Variants in SLC35F3 observed in about 807,000 individuals in gnomAD.
The protein encoded by SLC35F3 is putative thiamine transporter SLC35F3.
Under a neutral mutation model 49.9 loss-of-function variants are expected in SLC35F3, and 25 were observed. The ratio of observed to expected loss-of-function variants is 0.50; its 90% confidence interval spans 0.37 to 0.70. The LOEUF (loss-of-function observed/expected upper bound fraction) is 0.70, where lower values mean the gene tolerates loss of function less well. Ranked by LOEUF, SLC35F3 falls within the 30% of genes least tolerant of loss-of-function variation. The pLI, the probability that SLC35F3 is intolerant of heterozygous loss-of-function variation, is 0.00. For missense variants in SLC35F3, 525 were observed against 639.8 expected, an observed-to-expected ratio of 0.82 and a Z score of 1.94; for synonymous variants, 275 against 265.4, an observed-to-expected ratio of 1.04 and a Z score of -0.35.
In SLC35F3 at chr1:234,069,051, AAT is replaced by A. The variant is rs1164944556; in HGVS notation, c.284-162359_284-162358del. On this transcript the variant is annotated intron_variant, in intron 2 of 7. Coordinates refer to ENST00000366618, the MANE Select transcript of SLC35F3 (RefSeq NM_173508.4). ...TATAAAATTATATAATTTTATATAT[AAT>A]ATATATTATAATATATATTATATGC... 5.4e-3 allele frequency among the ~76,000 whole-genome samples: 623 copies of A among 115,234 alleles called. 6 individuals carry two copies. Among genetic ancestry groups the A allele is most frequent in the African/African-American group, 0.021 (592 of 28,198 alleles). 75.6% of individuals were successfully genotyped at this position (115,234 alleles called of 152,430 possible). A position where few individuals can be genotyped will look rare whatever the true frequency, so the allele number is the denominator to read the frequency against.
At chr1:234,245,828 G>A (rs745988743) in intron 3 of SLC35F3, among the ~76,000 whole-genome samples, 6 of 152,206 alleles carry the variant, frequency 3.9e-5, no homozygotes, top group Non-Finnish European at 5.9e-5. Flanking sequence ...ATCACACTGC[G>A]TTCATGGTTG....
intron 2 of SLC35F3, among the ~76,000 whole-genome samples, chr1:234,182,633 G>A (rs1053989616): frequency 2.0e-5 from 3 of 152,112 alleles, no homozygotes; most frequent in African/African-American, 7.2e-5. Flanking sequence ...CATTTTTCTG[G>A]ACAATGCCAA....
chr1:234,142,683 G>A (rs895986229), intron 2 of SLC35F3, among the ~76,000 whole-genome samples: 2 of 151,864 alleles, frequency 1.3e-5, no homozygotes, highest in Admixed American at 6.6e-5. Flanking sequence ...ATGATGTGTC[G>A]CTATATGGGG....
chr1:234,181,243 C>T (rs1343667995), intron 2 of SLC35F3, among the ~76,000 whole-genome samples: 3 of 146,450 alleles, frequency 2.0e-5, no homozygotes, highest in East Asian at 2.0e-4. Context: ...GACTGAGGCA[C>T]AAGAATCACT....
intron 2 of SLC35F3, among the ~76,000 whole-genome samples, chr1:233,969,524 G>C (rs949430665): frequency 1.3e-5 from 2 of 152,248 alleles, no homozygotes; most frequent in African/African-American, 4.8e-5. Flanking sequence ...CACCTCTGTT[G>C]GGCAGTGAGA....
intron 2 of SLC35F3, among the ~76,000 whole-genome samples, chr1:233,990,412 T>G (rs1663334085): frequency 6.6e-6 from 1 of 152,178 alleles, no homozygotes; most frequent in African/African-American, 2.4e-5. Flanking sequence ...AAAATTCACA[T>G]CCAATTTTCT....
At chr1:234,137,832 T>G (rs1665834181) in intron 2 of SLC35F3, among the ~76,000 whole-genome samples, 1 of 152,120 alleles carries the variant, frequency 6.6e-6, no homozygotes, top group Non-Finnish European at 1.5e-5. Flanking sequence ...GGCATGAATT[T>G]AAGTATTTAG....
chr1:234,155,793 C>T (rs549146137), intron 2 of SLC35F3, among the ~76,000 whole-genome samples: 1 of 137,382 alleles, frequency 7.3e-6, no homozygotes, highest in African/African-American at 2.6e-5. Context: ...AAAAAAAAAA[C>T]CCCAAAAACA....
intron 2 of SLC35F3, among the ~76,000 whole-genome samples, chr1:234,107,501 C>T (rs1665302043): frequency 6.6e-6 from 1 of 152,100 alleles, no homozygotes; most frequent in African/African-American, 2.4e-5. Context: ...AGAATTGGCA[C>T]CAGTAATTTA....
chr1:234,069,352 G>A (rs1422938196), intron 2 of SLC35F3, among the ~76,000 whole-genome samples: 1 of 150,280 alleles, frequency 6.7e-6, no homozygotes, highest in African/African-American at 2.4e-5. Flanking sequence ...CCACCTCCCA[G>A]GTTCAAGTGA....
At chr1:234,217,422 G>A (rs1667138245) in intron 2 of SLC35F3, among the ~76,000 whole-genome samples, 1 of 152,206 alleles carries the variant, frequency 6.6e-6, no homozygotes, top group South Asian at 2.1e-4. Flanking sequence ...GAGGGGAAGA[G>A]ACATACAGAT....
intron 2 of SLC35F3, among the ~76,000 whole-genome samples, chr1:233,988,370 T>A (rs977214819): frequency 1.1e-4 from 17 of 152,222 alleles, no homozygotes; most frequent in Non-Finnish European, 2.5e-4. Context: ...AATTCCCTAC[T>A]TTCAGTTGAG....
At chr1:234,240,448 T>C (rs540110139) in intron 3 of SLC35F3, among the ~76,000 whole-genome samples, 1 of 150,536 alleles carries the variant, frequency 6.6e-6, no homozygotes, top group African/African-American at 2.4e-5. Flanking sequence ...CTACAGAAAA[T>C]ACAAAAATTA....
chr1:233,935,921 T>A lies in SLC35F3; in HGVS notation c.283+30163T>A, dbSNP rs140163926. 2.7e-4 allele frequency among the ~76,000 whole-genome samples: 41 copies of A among 152,342 alleles called. No individual in the cohort carries two copies. In the East Asian group the frequency reaches 7.3e-3, roughly 27 times the overall value. On this transcript the variant is annotated intron_variant, in intron 2 of 7. Coordinates refer to ENST00000366618, the MANE Select transcript of SLC35F3 (RefSeq NM_173508.4). ...GGTAAAGCAGACGGTGTGTTTCATA[T>A]TAACTCAGGAGTGCTTGGCACTTGA...
chr1:234,086,962 G>C (rs1442648146), intron 2 of SLC35F3, among the ~76,000 whole-genome samples: 2 of 152,194 alleles, frequency 1.3e-5, no homozygotes, highest in Non-Finnish European at 2.9e-5. Context: ...ATAATAAATT[G>C]CCTCTCTCTC....
chr1:234,139,951 T>TAATAAAATAA (rs1553308858), intron 2 of SLC35F3, among the ~76,000 whole-genome samples: 13,514 of 90,436 alleles, frequency 0.15, 1,962 homozygotes, highest in Admixed American at 0.19. Flanking sequence ...CATCTCAAAA[T>TAATAAAATAA]AATAAAATAA....
chr1:234,012,484 C>T (rs1368855354), intron 2 of SLC35F3, among the ~76,000 whole-genome samples: 1 of 152,218 alleles, frequency 6.6e-6, no homozygotes, highest in Non-Finnish European at 1.5e-5. Flanking sequence ...AAATACCCAG[C>T]TTTCCAGGAC....
chr1:234,034,652 C>T (rs187978832), intron 2 of SLC35F3, among the ~76,000 whole-genome samples: 155 of 152,162 alleles, frequency 1.0e-3, no homozygotes, highest in Non-Finnish European at 1.7e-3. Flanking sequence ...TCCCAAGTAG[C>T]TGGGATTATA....
chr1:234,001,143 C>T (rs1230469429), intron 2 of SLC35F3, among the ~76,000 whole-genome samples: 1 of 152,172 alleles, frequency 6.6e-6, no homozygotes. Flanking sequence ...TATGGCTGGC[C>T]TGCTGGACCA....
Sources: allele counts gnomAD v4.1 joint callset (sites outside exome capture counted in the v4.1 genomes callset), GRCh38; gene constraint gnomAD v4.1.1; transcripts MANE v1.5; gene names NCBI Gene and HGNC (gene_info 2026-07-23, HGNC 2026-07-21).